Variants in CNTNAP2 observed in about 807,000 individuals in gnomAD.
CNTNAP2 encodes contactin associated protein 2.
In CNTNAP2, 98 loss-of-function variants were observed where a neutral mutation model predicts 155.2. The ratio of observed to expected loss-of-function variants is 0.63; its 90% CI spans 0.54 to 0.75. The LOEUF (loss-of-function observed/expected upper bound fraction) is 0.75, where lower values mean the gene tolerates loss of function less well. Ranked by LOEUF, CNTNAP2 falls within the 30% of genes least tolerant of loss-of-function variation. CNTNAP2 has a pLI of 0.00. For synonymous variants in CNTNAP2, 651 were observed against 631.2 expected, an observed-to-expected ratio of 1.03 and a Z score of -0.47; for missense variants, 1,727 against 1,688.1, an observed-to-expected ratio of 1.02 and a Z score of -0.40.
chr7:147,129,197 A>G (rs986209515), intron 7 of CNTNAP2, among the ~76,000 whole-genome samples: 1 of 152,180 alleles, frequency 6.6e-6, no homozygotes, highest in Non-Finnish European at 1.5e-5. Flanking sequence ...TTACTTGCTT[A>G]TGGTTTAATT....
At chr7:146,279,858 A>G (rs1240136760) in intron 1 of CNTNAP2, among the ~76,000 whole-genome samples, 1 of 151,802 alleles carries the variant, frequency 6.6e-6, no homozygotes, top group Non-Finnish European at 1.5e-5. Context: ...ATATATAAAT[A>G]GGATATTAGA....
At chr7:147,528,753 G>A (rs1210220864) in intron 11 of CNTNAP2, among the ~76,000 whole-genome samples, 3 of 152,202 alleles carry the variant, frequency 2.0e-5, no homozygotes, top group Non-Finnish European at 2.9e-5. Flanking sequence ...AACAGGCATC[G>A]GAGGAGAGCC....
intron 2 of CNTNAP2, among the ~76,000 whole-genome samples, chr7:146,811,877 C>T (rs1309430124): frequency 6.6e-6 from 1 of 152,140 alleles, no homozygotes; most frequent in African/African-American, 2.4e-5. Flanking sequence ...GGTCTTCTCT[C>T]TCTTGCTGCC....
chr7:148,392,085 T>TATTA (rs1397340605), intron 22 of CNTNAP2, among the ~76,000 whole-genome samples: 1 of 152,156 alleles, frequency 6.6e-6, no homozygotes, highest in East Asian at 1.9e-4. Context: ...TTGTTGTTAT[T>TATTA]ATTATTTGAG....
intron 5 of CNTNAP2, among the ~76,000 whole-genome samples, chr7:147,111,963 G>A (rs1286881461): frequency 6.6e-6 from 1 of 152,096 alleles, no homozygotes; most frequent in Non-Finnish European, 1.5e-5. Flanking sequence ...GGGCAATATG[G>A]CCATTTTCAT....
chr7:146,969,841 GGTA>G (rs1312567429), intron 3 of CNTNAP2, among the ~76,000 whole-genome samples: 2 of 152,072 alleles, frequency 1.3e-5, no homozygotes, highest in East Asian at 3.9e-4. Flanking sequence ...AAAACAGCAT[GGTA>G]CTGGTACCAA....
At chr7:146,181,531 A>G (rs904976602) in intron 1 of CNTNAP2, among the ~76,000 whole-genome samples, 2 of 152,158 alleles carry the variant, frequency 1.3e-5, no homozygotes, top group Non-Finnish European at 2.9e-5. Context: ...GCCACTTGAT[A>G]ATACATTTTT....
intron 12 of CNTNAP2, among the ~76,000 whole-genome samples, chr7:147,570,397 C>T (rs1344890203): frequency 3.3e-5 from 5 of 152,216 alleles, no homozygotes; most frequent in South Asian, 2.1e-4. Context: ...AACAACAGTG[C>T]CATATTTAGA....
chr7:146,941,829 A>G (rs956779732), intron 3 of CNTNAP2, among the ~76,000 whole-genome samples: 1 of 151,094 alleles, frequency 6.6e-6, no homozygotes, highest in Admixed American at 6.6e-5. Flanking sequence ...TCTTTTCTGG[A>G]CTGTAAGATT....
intron 1 of CNTNAP2, among the ~76,000 whole-genome samples, chr7:146,404,525 C>T (rs898202195): frequency 1.3e-5 from 2 of 152,114 alleles, no homozygotes; most frequent in Non-Finnish European, 2.9e-5. Context: ...TTTTTTTCCT[C>T]CTCCAATCCA....
At chr7:146,923,737 C>T (rs1219953884) in intron 3 of CNTNAP2, among the ~76,000 whole-genome samples, 2 of 152,114 alleles carry the variant, frequency 1.3e-5, no homozygotes, top group Admixed American at 1.3e-4. Flanking sequence ...TCTGACCCAA[C>T]CACAAATAGG....
chr7:148,368,948 C>T (rs1637862), intron 21 of CNTNAP2, among the ~76,000 whole-genome samples: 11 of 152,024 alleles, frequency 7.2e-5, no homozygotes, highest in African/African-American at 1.9e-4. Context: ...GGCCTGGTTT[C>T]GGGTCTGGTT....
At chr7:146,129,726 T>C (rs1797687765) in intron 1 of CNTNAP2, among the ~76,000 whole-genome samples, 1 of 152,214 alleles carries the variant, frequency 6.6e-6, no homozygotes. Context: ...AAGTCACATA[T>C]CCTACTTATG....
intron 2 of CNTNAP2, among the ~76,000 whole-genome samples, chr7:146,787,650 C>A (rs530787558): frequency 6.6e-6 from 1 of 152,136 alleles, no homozygotes; most frequent in Non-Finnish European, 1.5e-5. Flanking sequence ...AACCTTCCCC[C>A]GCGCATGAGG....
At chr7:147,872,113 G>A (rs1344286613) in intron 13 of CNTNAP2, among the ~76,000 whole-genome samples, 3 of 152,184 alleles carry the variant, frequency 2.0e-5, no homozygotes, top group African/African-American at 7.2e-5. Flanking sequence ...TGTGGAGAAA[G>A]AGAAACCTGC....
rs374619583 is a variant in CNTNAP2 at position 146,233,870 on chromosome 7, G to C, written c.97+116897G>C. On this transcript the variant is annotated intron_variant, in intron 1 of 23. Coordinates refer to ENST00000361727, the MANE Select transcript of CNTNAP2 (RefSeq NM_014141.6). ...TTTCTTCATCCAGTCTATCATTGTT[G>C]GACATTTGGGTTGGTTCCAAGTCTT... Among the ~76,000 whole-genome samples the C allele has an allele frequency of 1.5e-4, 22 of 150,380 alleles. No individual in the cohort carries two copies. In the East Asian group the frequency reaches 3.1e-3, roughly 22 times the overall value.
In CNTNAP2 at chr7:148,172,596, A is replaced by T; in HGVS notation, c.3010+118A>T. ...CTTATTCTGAGGTTAAGATGATCAG[A>T]ATTTTTCTCTCAACTTAGGTAGGAA... On this transcript the variant is annotated intron_variant, in intron 18 of 23. Transcript: ENST00000361727. The T allele has an allele frequency of 1.0e-5, 10 of 969,404 alleles. No individual in the cohort carries two copies. In the South Asian group the frequency reaches 1.3e-4, roughly 13 times the overall value. 60.1% of individuals were successfully genotyped at this position (969,404 alleles called of 1,614,324 possible).
At chr7:146,201,285 T>C (rs1473293795) in intron 1 of CNTNAP2, among the ~76,000 whole-genome samples, 1 of 152,172 alleles carries the variant, frequency 6.6e-6, no homozygotes, top group Non-Finnish European at 1.5e-5. Context: ...CCTGATGTCA[T>C]AGACCACAAT....
chr7:146,429,209 T>C (rs921368926), intron 1 of CNTNAP2, among the ~76,000 whole-genome samples: 1 of 152,032 alleles, frequency 6.6e-6, no homozygotes, highest in Non-Finnish European at 1.5e-5. Flanking sequence ...TCTTGGCTAT[T>C]TGGGCTCTTT....
Sources: allele counts gnomAD v4.1 joint callset (sites outside exome capture counted in the v4.1 genomes callset), GRCh38; gene constraint gnomAD v4.1.1; transcripts MANE v1.5; gene names NCBI Gene and HGNC (gene_info 2026-07-23, HGNC 2026-07-21).